The following RGMA variants were observed in gnomAD, a reference collection of about 807,000 sequenced individuals.
RGMA encodes repulsive guidance molecule BMP co-receptor a.
RGMA carries 10 observed loss-of-function variants against 23.2 expected under a neutral mutation model. That is an observed-to-expected ratio of 0.43 (90% CI 0.27 to 0.73). RGMA has a LOEUF of 0.73. RGMA is among the 30% of genes least tolerant of loss of function. RGMA has a pLI of 0.20. For synonymous variants in RGMA, 308 were observed against 279.3 expected, an observed-to-expected ratio of 1.10 and a Z score of -1.03; for missense variants, 547 against 630.5, an observed-to-expected ratio of 0.87 and a Z score of 1.42.
intron 2 of RGMA, among the ~76,000 whole-genome samples, chr15:93,054,405 C>T (rs1188316144): frequency 6.6e-6 from 1 of 152,102 alleles, no homozygotes; most frequent in African/African-American, 2.4e-5. Context: ...CTGTAATAAT[C>T]TCCACGTGTC....
rs576896753 is a variant in RGMA, at chr15:93,074,194, C to A, written c.15-1163G>T. 97 of 232,802 alleles carry A rather than the reference C, an allele frequency of 4.2e-4. 1 individual carries two copies. In the South Asian group the frequency reaches 1.0e-2, roughly 24 times the overall value. 14.4% of individuals were successfully genotyped at this position (232,802 alleles called of 1,614,324 possible). On this transcript the variant is annotated intron_variant, in intron 1 of 3. Transcript: ENST00000329082. ...CTCCCGCCACCCTCCTCACCTCACT[C>A]CCAAGCCTGCCCATCTGGTTCTTTG...
At chr15:93,073,689 T>C in intron 1 of RGMA, 1 of 1,537,210 alleles carries the variant, frequency 6.5e-7, no homozygotes. Context: ...CTGGGCAGGA[T>C]GGCTCTCTGC....
chr15:93,038,248 G>A lies in RGMA; in HGVS notation c.*6750C>T, dbSNP rs2054681044. ...TGAGGTCTGTAGACTCCTGGTTAGAGGGTTTGGGGGGCAGGGGTCTTCCCA... is the reference window on the plus strand; with the variant it reads ...TGAGGTCTGTAGACTCCTGGTTAGAAGGTTTGGGGGGCAGGGGTCTTCCCA... On this transcript the variant is annotated 3_prime_UTR_variant, in exon 4 of 4. Coordinates refer to ENST00000329082, the MANE Select transcript of RGMA (RefSeq NM_020211.3). 6.6e-6 allele frequency: 1 copy of A among 152,248 alleles called. No homozygotes were observed. Among genetic ancestry groups the A allele is most frequent in the Non-Finnish European group, 1.5e-5 (1 of 68,072 alleles). The allele number at this position is 152,248 out of a possible 1,614,324, so 9.4% of individuals were successfully genotyped here. A position where few individuals can be genotyped will look rare whatever the true frequency, so the allele number is the denominator to read the frequency against.
At chr15:93,088,225 T>TCC in intron 1 of RGMA, 1 of 864,688 alleles carries the variant, frequency 1.2e-6, no homozygotes, top group Non-Finnish European at 1.4e-6. Context: ...CACCCGAGCG[T>TCC]CCCCCACACC....
In RGMA at chr15:93,080,149, A is replaced by G. The variant is rs558722587; in HGVS notation, c.15-7118T>C. On this transcript the variant is annotated intron_variant, in intron 1 of 3. Transcript: ENST00000329082. ...TTAAACTAAAATTTTTAATTAAAAAATTACCAAATATTGCCAAGTATTGGA... is the reference window on the plus strand; with the variant it reads ...TTAAACTAAAATTTTTAATTAAAAAGTTACCAAATATTGCCAAGTATTGGA... 3.3e-5 allele frequency among the ~76,000 whole-genome samples: 5 copies of G among 152,300 alleles called. No individual in the cohort carries two copies. The East Asian group carries it at 9.6e-4, about 29-fold the overall frequency.
Position 93,071,326 on chromosome 15 carries a change from C to G in RGMA, c.130+1590G>C, listed in dbSNP as rs368920326. On this transcript the variant is annotated intron_variant, in intron 2 of 3. Transcript: ENST00000329082. The stretch of plus-strand genomic sequence containing the variant: ...AGGAAACCAAATTGGGCTGTTCAAC[C>G]AGACTCTTAAGTAGGTGGAGAAACT... Among the ~76,000 whole-genome samples the G allele has an allele frequency of 8.5e-5, 13 of 152,314 alleles. No individual in the cohort carries two copies. In the East Asian group the frequency reaches 1.9e-3, roughly 23 times the overall value.
rs1424330340 is a variant in RGMA, at chr15:93,035,704, G to A, written c.*9294C>T. 1 of 152,284 alleles carries A rather than the reference G, an allele frequency of 6.6e-6. No homozygotes were observed. Among genetic ancestry groups the A allele is most frequent in the African/African-American group, 2.4e-5 (1 of 41,444 alleles). The allele number at this position is 152,284 out of a possible 1,614,324, so 9.4% of individuals were successfully genotyped here. ...CTCAGGGCGGCCTGAGGAGAGATGG[G>A]TCAAGGCGGGGATCATTGTCAGAAC... On this transcript the variant is annotated 3_prime_UTR_variant, in exon 4 of 4. Coordinates refer to ENST00000329082, the MANE Select transcript of RGMA (RefSeq NM_020211.3).
intron 1 of RGMA, chr15:93,088,429 G>A (rs1406931273): frequency 2.0e-6 from 2 of 985,686 alleles, no homozygotes; most frequent in Non-Finnish European, 2.4e-6. Flanking sequence ...CGAGGCAAAG[G>A]GCCGCCGGGA....
intron 2 of RGMA, among the ~76,000 whole-genome samples, chr15:93,059,235 T>C (rs1192381895): frequency 6.6e-6 from 1 of 152,160 alleles, no homozygotes; most frequent in Non-Finnish European, 1.5e-5. Context: ...AAAAGCATGA[T>C]GCGGGTCTCC....
chr15:93,074,799 C>G (rs915742304), intron 1 of RGMA, among the ~76,000 whole-genome samples: 1 of 152,204 alleles, frequency 6.6e-6, no homozygotes, highest in African/African-American at 2.4e-5. Flanking sequence ...CACCGGGGCA[C>G]GCTAAGCAGG....
rs2054708274 is a variant in RGMA at position 93,040,260 on chromosome 15, A to G, written c.*4738T>C. ...GTCGGACACATCATTCCTACACTCA[A>G]AGCCCGTGAACGGCTTCCTCTGGCA... On this transcript the variant is annotated 3_prime_UTR_variant, in exon 4 of 4. Transcript: ENST00000329082. The G allele has an allele frequency of 6.6e-6, 1 of 152,232 alleles. No individual in the cohort carries two copies. Among genetic ancestry groups the G allele is most frequent in the Non-Finnish European group, 1.5e-5 (1 of 68,070 alleles). 9.4% of individuals were successfully genotyped at this position (152,232 alleles called of 1,614,324 possible).
chr15:93,085,961 C>T lies in RGMA; in HGVS notation c.14+2958G>A, dbSNP rs73460349. ...AGGCAATCCTTAATTTTTTCCACTGCCCTATTCATTGCTCCTTTATAGCTC... is the reference window on the plus strand; with the variant it reads ...AGGCAATCCTTAATTTTTTCCACTGTCCTATTCATTGCTCCTTTATAGCTC... On this transcript the variant is annotated intron_variant, in intron 1 of 3. Coordinates refer to ENST00000329082, the MANE Select transcript of RGMA (RefSeq NM_020211.3). Among the ~76,000 whole-genome samples, 1,159 of 152,300 alleles carry T rather than the reference C, an allele frequency of 7.6e-3. 5 individuals carry two copies. Among genetic ancestry groups the T allele is most frequent in the African/African-American group, 0.027 (1,102 of 41,550 alleles).
At chr15:93,071,112 G>C (rs960629262) in intron 2 of RGMA, among the ~76,000 whole-genome samples, 8 of 152,236 alleles carry the variant, frequency 5.3e-5, no homozygotes, top group Admixed American at 2.6e-4. Context: ...TTTCAGCTTT[G>C]AGCTGAGATC....
At chr15:93,066,381 T>G in intron 2 of RGMA, 8 of 707,268 alleles carry the variant, frequency 1.1e-5, no homozygotes, top group East Asian at 9.6e-5. Flanking sequence ...CTTGTTCGCG[T>G]GACTCCAGGT....
At chr15:93,047,398 G>T (rs570664984) in intron 3 of RGMA, among the ~76,000 whole-genome samples, 1 of 152,310 alleles carries the variant, frequency 6.6e-6, no homozygotes, top group African/African-American at 2.4e-5. Context: ...CTGGAACCTG[G>T]ACTCCCAGCC....
chr15:93,062,268 CCA>C (rs551895486), intron 2 of RGMA, among the ~76,000 whole-genome samples: 42 of 152,202 alleles, frequency 2.8e-4, no homozygotes, highest in Non-Finnish European at 6.0e-4. Flanking sequence ...GGAACAAACC[CCA>C]GTTAATCTCT....
At chr15:93,066,241 G>T (rs779834329) in intron 2 of RGMA, 5 of 1,328,666 alleles carry the variant, frequency 3.8e-6, no homozygotes, top group East Asian at 2.4e-5. Flanking sequence ...AAACTTCCTG[G>T]GCTTCTTTTA....
chr15:93,052,247 G>T lies in RGMA; in HGVS notation c.391C>A (p.Pro131Thr), dbSNP rs201940016. 925 of 1,606,272 alleles carry T rather than the reference G, an allele frequency of 5.8e-4. 14 individuals carry two copies. In the South Asian group the frequency reaches 8.5e-3, roughly 15 times the overall value. ...GAGCGCTCCTGGCTGTCTCCGGCCG[G>T]TGGGAGCGTGCGCAGGCGTGGCTGC... ...TSQPRLRTLP[P>T]AGDSQERSDS... Residue 131 changes from proline (P) to threonine (T), a missense_variant, in exon 3 of 4, where the codon CCG becomes ACG. By Grantham distance (38) the Pro-to-Thr change is conservative. This residue lies in a region of RGMA where 214 missense variants were observed against 234.7 expected (regional missense o/e 0.91). Transcript: ENST00000329082.
rs1189200027 is a variant in RGMA at position 93,042,948 on chromosome 15, C to CCAT, written c.*2047_*2049dup. On this transcript the variant is annotated 3_prime_UTR_variant, in exon 4 of 4. Coordinates refer to ENST00000329082, the MANE Select transcript of RGMA (RefSeq NM_020211.3). Reference sequence around the variant, plus strand: ...CATCCCAGATCTCAGGCTATCCCACCCATCTCATCCCAGAGGGCACCATAT... The same window carrying CCAT: ...CATCCCAGATCTCAGGCTATCCCACCCATCATCTCATCCCAGAGGGCACCATAT... The CCAT allele has an allele frequency of 6.6e-6, 1 of 152,160 alleles. No individual in the cohort carries two copies. Among genetic ancestry groups the CCAT allele is most frequent in the African/African-American group, 2.4e-5 (1 of 41,382 alleles). 9.4% of individuals were successfully genotyped at this position (152,160 alleles called of 1,614,324 possible).
Sources: gnomAD v4.1 joint callset for allele counts (sites outside exome capture counted in the v4.1 genomes callset) on GRCh38, gnomAD v4.1.1 for gene constraint, gnomAD v4.1.1 regional missense constraint, MANE v1.5 for transcripts, NCBI Gene and HGNC (gene_info 2026-07-23, HGNC 2026-07-21) for gene names.